CKAP5: variants seen among roughly 807,000 people sequenced by gnomAD.
CKAP5 encodes the protein cytoskeleton-associated protein 5.
CKAP5 carries 27 observed loss-of-function variants against 232.8 expected under a neutral mutation model. The ratio of observed to expected loss-of-function variants is 0.12; its 90% CI spans 0.09 to 0.16. The LOEUF is 0.16. Among genes scored for constraint, CKAP5 ranks in the 10% least tolerant of loss-of-function variants. CKAP5 has a pLI of 1.00. For missense variants in CKAP5, 1,838 were observed against 2,424.7 expected, an observed-to-expected ratio of 0.76 and a Z score of 5.08; for synonymous variants, 785 against 841.1, an observed-to-expected ratio of 0.93 and a Z score of 1.16.
At chr11:46,819,213 GA>G (rs907299461) in intron 2 of CKAP5, among the ~76,000 whole-genome samples, 2 of 152,148 alleles carry the variant, frequency 1.3e-5, no homozygotes, top group African/African-American at 4.8e-5. Context: ...GCTGAGCCCT[GA>G]AAGATAAATA....
chr11:46,773,516 T>C (rs1169812569), intron 24 of CKAP5, among the ~76,000 whole-genome samples: 1 of 151,816 alleles, frequency 6.6e-6, no homozygotes, highest in African/African-American at 2.4e-5. Flanking sequence ...CCCAAAGTGC[T>C]GGGATTACAG....
chr11:46,751,171 C>T lies in CKAP5; in HGVS notation c.5407G>A (p.Asp1803Asn). The stretch of plus-strand genomic sequence containing the variant: ...TTATCAGACTTGCTCCCAGTCTGGT[C>T]CATACTGTGCTTCATCATCCGGCAG... ...HLCRMMKHSM[D>N]QTGSKSDKET... Residue 1803 changes from aspartate (D) to asparagine (N), a missense_variant, in exon 40 of 44, where the codon GAC becomes AAC. By Grantham distance (23) the Asp-to-Asn change is conservative. This residue lies in a region of CKAP5 where 579 missense variants were observed against 843.2 expected (regional missense o/e 0.69). Transcript: ENST00000529230. The T allele has an allele frequency of 6.2e-7, 1 of 1,614,174 alleles. No homozygotes were observed. Among genetic ancestry groups the T allele is most frequent in the Non-Finnish European group, 8.5e-7 (1 of 1,180,020 alleles).
intron 1 of CKAP5, among the ~76,000 whole-genome samples, chr11:46,832,472 T>C (rs1275670456): frequency 6.6e-6 from 1 of 152,200 alleles, no homozygotes; most frequent in Non-Finnish European, 1.5e-5. Context: ...CCTGGAGTCA[T>C]GTTGAGCTCT....
Position 46,743,950 on chromosome 11 carries a change from A to C in CKAP5, c.*73T>G. 2.5e-6 allele frequency: 4 copies of C among 1,590,326 alleles called. No homozygotes were observed. The highest frequency in any genetic ancestry group is 1.3e-5 in the African/African-American group (1 of 74,322). ...CAGTTTGTATACACTAGGCCTGCTG[A>C]GGCCATTTTAAACTATGAGGACTTC... On this transcript the variant is annotated 3_prime_UTR_variant, in exon 44 of 44. Coordinates refer to ENST00000529230, the MANE Select transcript of CKAP5 (RefSeq NM_001008938.4).
chr11:46,835,345 G>A (rs1346836656), intron 1 of CKAP5, among the ~76,000 whole-genome samples: 1 of 151,972 alleles, frequency 6.6e-6, no homozygotes, highest in Non-Finnish European at 1.5e-5. Flanking sequence ...AGAGTATCCA[G>A]ATCTCGGTTT....
chr11:46,767,860 G>A (rs762747213), intron 26 of CKAP5, among the ~76,000 whole-genome samples, 197 bp from the exon 27 acceptor site: 3 of 151,750 alleles, frequency 2.0e-5, no homozygotes, highest in East Asian at 1.9e-4. Flanking sequence ...GTGCCTTCAC[G>A]GTGCTCACTG....
intron 16 of CKAP5, among the ~76,000 whole-genome samples, chr11:46,788,090 AT>A: frequency 6.6e-6 from 1 of 152,372 alleles, no homozygotes; most frequent in East Asian, 1.9e-4. Flanking sequence ...CATTCAAAAT[AT>A]GTTAACTGAC....
At chr11:46,770,277 G>A in intron 25 of CKAP5, 179 bp from the exon 26 acceptor site, 1 of 638,796 alleles carries the variant, frequency 1.6e-6, no homozygotes, top group South Asian at 1.9e-5. Flanking sequence ...GTCACACTAA[G>A]GTAGGTATCA....
intron 28 of CKAP5, 128 bp from the exon 29 acceptor site, chr11:46,763,758 A>G: frequency 1.8e-6 from 1 of 546,802 alleles, no homozygotes; most frequent in Non-Finnish European, 2.9e-6. Flanking sequence ...TTGTAATTAA[A>G]TATGAATGCA....
chr11:46,801,776 C>T (rs887883189), intron 8 of CKAP5, among the ~76,000 whole-genome samples: 1 of 152,036 alleles, frequency 6.6e-6, no homozygotes, highest in Non-Finnish European at 1.5e-5. Flanking sequence ...TGGGAGCTTC[C>T]CTTCATTATG....
intron 42 of CKAP5, among the ~76,000 whole-genome samples, chr11:46,748,145 TC>T (rs1046707373): frequency 2.0e-4 from 31 of 152,232 alleles, no homozygotes; most frequent in African/African-American, 7.2e-4. Context: ...ACACAGGACC[TC>T]AGAGACCTTT....
At chr11:46,826,959 G>A (rs1939672379) in intron 1 of CKAP5, 1 of 152,806 alleles carries the variant, frequency 6.5e-6, no homozygotes, top group Admixed American at 6.5e-5. Context: ...CACTCTGAAA[G>A]CTTAAAGGGG....
rs183007989 is a variant in CKAP5 at position 46,798,541 on chromosome 11, C to A, written c.1084-369G>T. Among the ~76,000 whole-genome samples, 418 of 149,976 alleles carry A rather than the reference C, an allele frequency of 2.8e-3. 2 individuals are homozygous for A. Among genetic ancestry groups the A allele is most frequent in the African/African-American group, 9.8e-3 (397 of 40,554 alleles). On this transcript the variant is annotated intron_variant, in intron 9 of 43. Coordinates refer to ENST00000529230, the MANE Select transcript of CKAP5 (RefSeq NM_001008938.4). The stretch of plus-strand genomic sequence containing the variant: ...GCTGCAGTGAGCTACGACTGCATCA[C>A]TGTATTGTAGCCTGGGCAACACAGC...
At chr11:46,799,973 C>T (rs886936575) in intron 9 of CKAP5, among the ~76,000 whole-genome samples, 2 of 151,780 alleles carry the variant, frequency 1.3e-5, no homozygotes, top group Non-Finnish European at 2.9e-5. Flanking sequence ...TGCACTCCAG[C>T]CTGGGTGACA....
At chr11:46,762,860 A>G (rs1238668723) in intron 30 of CKAP5, 98 bp from the exon 31 acceptor site, 2 of 1,454,192 alleles carry the variant, frequency 1.4e-6, no homozygotes, top group African/African-American at 1.4e-5. Flanking sequence ...GGAAATAGGG[A>G]TAAGTAGGGA....
At position 46,811,183 on chromosome 11, in the gene CKAP5, A is replaced by G. The variant is rs1251832536; in HGVS notation, c.459-5T>C. The G allele has an allele frequency of 6.2e-7, 1 of 1,610,352 alleles. No individual in the cohort carries two copies. Among genetic ancestry groups the G allele is most frequent in the African/African-American group, 1.3e-5 (1 of 74,756 alleles). ...ATGATTTTGGAACCAAATTCACTAC[A>G]AGTAAAAAATTGGGAAAAAACTGTC... On this transcript the variant is annotated splice_region_variant and splice_polypyrimidine_tract_variant and intron_variant, in intron 4 of 43. Coordinates refer to ENST00000529230, the MANE Select transcript of CKAP5 (RefSeq NM_001008938.4).
intron 1 of CKAP5, among the ~76,000 whole-genome samples, chr11:46,823,953 T>C (rs1939598767): frequency 6.6e-6 from 1 of 152,232 alleles, no homozygotes; most frequent in Non-Finnish European, 1.5e-5. Flanking sequence ...ATATATACTC[T>C]GGTAATATCT....
chr11:46,743,548 A>G lies in CKAP5; in HGVS notation c.*475T>C, dbSNP rs2065000092. Reference sequence around the variant, plus strand: ...GCATCTTGGGAGTCAGGTATAGTTAATGCAAACTTTATTTATAAAAGACTC... The same window carrying G: ...GCATCTTGGGAGTCAGGTATAGTTAGTGCAAACTTTATTTATAAAAGACTC... On this transcript the variant is annotated 3_prime_UTR_variant, in exon 44 of 44. Coordinates refer to ENST00000529230, the MANE Select transcript of CKAP5 (RefSeq NM_001008938.4). 1 of 162,442 alleles carries G rather than the reference A, an allele frequency of 6.2e-6. No individual in the cohort carries two copies. The highest frequency in any genetic ancestry group is 5.7e-5 in the Admixed American group (1 of 17,596). The allele number at this position is 162,442 out of a possible 1,614,324, so 10.1% of individuals were successfully genotyped here. A position where few individuals can be genotyped will look rare whatever the true frequency, so the allele number is the denominator to read the frequency against.
intron 2 of CKAP5, among the ~76,000 whole-genome samples, chr11:46,818,981 A>T (rs1939467480): frequency 1.3e-5 from 2 of 152,236 alleles, no homozygotes; most frequent in South Asian, 4.1e-4. Context: ...TTTTTCATTA[A>T]TTTATTCAAC....
Sources: gnomAD v4.1 joint callset for allele counts (sites outside exome capture counted in the v4.1 genomes callset) on GRCh38, gnomAD v4.1.1 for gene constraint, gnomAD v4.1.1 regional missense constraint, MANE v1.5 for transcripts, NCBI Gene and HGNC (gene_info 2026-07-23, HGNC 2026-07-21) for gene names.